The following PTPRN2 variants were observed in gnomAD, a reference collection of about 807,000 sequenced individuals.
The protein encoded by PTPRN2 is receptor-type tyrosine-protein phosphatase N2.
A neutral mutation model predicts 118.8 loss-of-function variants in PTPRN2; 74 were observed. The observed-to-expected ratio is 0.62, with a 90% confidence interval of 0.52 to 0.76. PTPRN2 has a LOEUF of 0.76. Ranked by LOEUF, PTPRN2 falls within the 30% of genes least tolerant of loss-of-function variation. The pLI, the probability that PTPRN2 is intolerant of heterozygous loss-of-function variation, is 0.00. For synonymous variants in PTPRN2, 641 were observed against 608.0 expected, an observed-to-expected ratio of 1.05 and a Z score of -0.80; for missense variants, 1,481 against 1,394.4, an observed-to-expected ratio of 1.06 and a Z score of -0.99.
intron 11 of PTPRN2, among the ~76,000 whole-genome samples, chr7:158,031,311 T>A (rs1369845206): frequency 2.0e-5 from 3 of 152,226 alleles, no homozygotes; most frequent in East Asian, 1.9e-4. Context: ...TTTTCCTGCA[T>A]CCCTGTACTC....
intron 12 of PTPRN2, among the ~76,000 whole-genome samples, chr7:157,771,770 C>G (rs1802827211): frequency 7.6e-6 from 1 of 130,972 alleles, no homozygotes; most frequent in Non-Finnish European, 1.5e-5. Flanking sequence ...GACACACATG[C>G]AGACACAGAC....
intron 3 of PTPRN2, among the ~76,000 whole-genome samples, chr7:158,303,419 TA>T (rs1801040898): frequency 6.6e-6 from 1 of 152,232 alleles, no homozygotes; most frequent in Admixed American, 6.5e-5. Context: ...TAGAATTCTG[TA>T]AGTTAAAACT....
At chr7:157,751,717 A>G (rs1213937252) in intron 12 of PTPRN2, among the ~76,000 whole-genome samples, 1 of 152,078 alleles carries the variant, frequency 6.6e-6, no homozygotes, top group Non-Finnish European at 1.5e-5. Context: ...AACTTAATCA[A>G]GGCTGATGGA....
At chr7:158,479,415 G>A (rs1248623418) in intron 2 of PTPRN2, among the ~76,000 whole-genome samples, 10 of 152,134 alleles carry the variant, frequency 6.6e-5, no homozygotes, top group Admixed American at 6.5e-4. Context: ...GAAGCAGAGT[G>A]AACGCTTCCG....
rs1429851571 is a variant in PTPRN2, at chr7:158,341,872, G to A, written c.164-24940C>T. Among the ~76,000 whole-genome samples, 201 of 91,316 alleles carry A rather than the reference G, an allele frequency of 2.2e-3. 1 individual carries two copies. Among genetic ancestry groups the A allele is most frequent in the Non-Finnish European group, 2.6e-3 (116 of 45,094 alleles). 59.9% of individuals were successfully genotyped at this position (91,316 alleles called of 152,430 possible). A position where few individuals can be genotyped will look rare whatever the true frequency, so the allele number is the denominator to read the frequency against. ...CTCACCATAAGAGTGTGCCCCGCAG[G>A]CGTCACTCACACCCACACTCACCAT... On this transcript the variant is annotated intron_variant, in intron 2 of 22. Transcript: ENST00000389418.
intron 12 of PTPRN2, among the ~76,000 whole-genome samples, chr7:157,708,871 C>G (rs575483659): frequency 2.0e-5 from 3 of 152,218 alleles, no homozygotes; most frequent in Non-Finnish European, 4.4e-5. Flanking sequence ...TAACAAGCCA[C>G]GTATGGCTCC....
At chr7:157,978,006 C>T (rs941849739) in intron 11 of PTPRN2, among the ~76,000 whole-genome samples, 2 of 151,906 alleles carry the variant, frequency 1.3e-5, no homozygotes, top group Non-Finnish European at 2.9e-5. Context: ...CCCTGTACGT[C>T]GCATGCACAT....
intron 11 of PTPRN2, among the ~76,000 whole-genome samples, chr7:157,999,674 C>T (rs759873021): frequency 5.9e-5 from 9 of 152,066 alleles, no homozygotes; most frequent in East Asian, 1.9e-4. Context: ...AGCTGTTCTC[C>T]GCGAGTCCCT....
At chr7:157,824,904 A>G (rs1015156840) in intron 12 of PTPRN2, among the ~76,000 whole-genome samples, 2 of 152,226 alleles carry the variant, frequency 1.3e-5, no homozygotes, top group Admixed American at 1.3e-4. Context: ...GCCACAAAGC[A>G]GGCGGATCAC....
intron 3 of PTPRN2, among the ~76,000 whole-genome samples, chr7:158,304,208 A>G (rs918115312): frequency 3.3e-5 from 5 of 151,752 alleles, no homozygotes; most frequent in African/African-American, 1.2e-4. Context: ...ACATCCATCA[A>G]TACACATAAG....
At chr7:158,018,398 G>A (rs542390561) in intron 11 of PTPRN2, among the ~76,000 whole-genome samples, 3 of 152,326 alleles carry the variant, frequency 2.0e-5, no homozygotes, top group South Asian at 4.1e-4. Context: ...ATTTATAACC[G>A]GGAGCATATA....
chr7:158,088,092 G>A (rs1477745269), intron 10 of PTPRN2, among the ~76,000 whole-genome samples: 1 of 68,858 alleles, frequency 1.5e-5, no homozygotes, highest in African/African-American at 3.3e-5. Context: ...TGATGAAAGA[G>A]GGAGTCTTCA....
At chr7:158,274,134 A>G (rs1334450322) in intron 3 of PTPRN2, among the ~76,000 whole-genome samples, 1 of 108,032 alleles carries the variant, frequency 9.3e-6, no homozygotes, top group Non-Finnish European at 1.8e-5. Context: ...GGGGAGCCGC[A>G]GACACAGGGA....
intron 11 of PTPRN2, chr7:158,029,261 C>T (rs928824060): frequency 3.3e-5 from 5 of 151,874 alleles, no homozygotes; most frequent in African/African-American, 1.2e-4. Flanking sequence ...GCACGGGGTC[C>T]GTATCCACTT....
At chr7:158,279,382 C>G (rs955763330) in intron 3 of PTPRN2, among the ~76,000 whole-genome samples, 2 of 152,168 alleles carry the variant, frequency 1.3e-5, no homozygotes, top group African/African-American at 2.4e-5. Context: ...AGTCCCCACC[C>G]TCCCAGCAGC....
chr7:158,531,997 G>T (rs1825279391), intron 1 of PTPRN2, among the ~76,000 whole-genome samples: 1 of 152,186 alleles, frequency 6.6e-6, no homozygotes. Flanking sequence ...AGCAACGTGG[G>T]TCCTTCCCTC....
chr7:157,649,459 T>C (rs201825308), intron 14 of PTPRN2, among the ~76,000 whole-genome samples: 4,464 of 47,846 alleles, frequency 0.093, 157 homozygotes, highest in South Asian at 0.21. Context: ...CAGACCCATC[T>C]AGCGTGCACT....
At chr7:157,574,918 A>T (rs183980669) in intron 19 of PTPRN2, among the ~76,000 whole-genome samples, 4 of 152,384 alleles carry the variant, frequency 2.6e-5, no homozygotes, top group Non-Finnish European at 5.9e-5. Context: ...CAGGTAAGGC[A>T]GGCAAGAAAA....
chr7:157,548,476 T>C lies in PTPRN2; in HGVS notation c.2976+470A>G, dbSNP rs144034874. 7.9e-3 allele frequency among the ~76,000 whole-genome samples: 1,209 copies of C among 152,294 alleles called. 18 individuals carry two copies. Among genetic ancestry groups the C allele is most frequent in the African/African-American group, 0.028 (1,150 of 41,556 alleles). ...CACCAGAATTTTTTTTGTTTTGACC[T>C]CTGTTGCTGCAAACTGGGCCTCTTC... On this transcript the variant is annotated intron_variant, in intron 22 of 22. Coordinates refer to ENST00000389418, the MANE Select transcript of PTPRN2 (RefSeq NM_002847.5).
Sources: allele counts gnomAD v4.1 joint callset (sites outside exome capture counted in the v4.1 genomes callset), GRCh38; gene constraint gnomAD v4.1.1; transcripts MANE v1.5; gene names NCBI Gene and HGNC (gene_info 2026-07-23, HGNC 2026-07-21).